Variants in ZFAND3 observed in about 807,000 individuals in gnomAD.
The protein encoded by ZFAND3 is zinc finger AN1-type containing 3, also known as AN1-type zinc finger protein 3.
A neutral mutation model predicts 29.6 loss-of-function variants in ZFAND3; 10 were observed. The observed-to-expected ratio is 0.34, with a 90% CI of 0.21 to 0.57. ZFAND3 has a LOEUF of 0.57. ZFAND3 is among the 20% of genes least tolerant of loss of function. The pLI is 0.86. For synonymous variants in ZFAND3, 128 were observed against 112.6 expected (o/e 1.14, Z -0.87); for missense variants, 230 against 304.5 (o/e 0.76, Z 1.82).
chr6:37,919,678 G>A (rs1457769904), intron 1 of ZFAND3, among the ~76,000 whole-genome samples: 1 of 152,126 alleles, frequency 6.6e-6, no homozygotes, highest in Non-Finnish European at 1.5e-5. Context: ...ACATTTCAAG[G>A]CTGTTACTGC....
intron 2 of ZFAND3, among the ~76,000 whole-genome samples, chr6:37,973,778 T>G (rs896397768): frequency 1.1e-4 from 16 of 152,208 alleles, no homozygotes; most frequent in Non-Finnish European, 4.4e-5. Flanking sequence ...TTTCTTGATT[T>G]TTTCATGAAA....
intron 1 of ZFAND3, among the ~76,000 whole-genome samples, chr6:37,889,878 T>A (rs916130369): frequency 1.1e-4 from 17 of 152,246 alleles, no homozygotes; most frequent in Non-Finnish European, 2.4e-4. Context: ...AATACATATT[T>A]TAAGCAGCGA....
At chr6:37,980,750 A>G (rs1366768061) in intron 2 of ZFAND3, among the ~76,000 whole-genome samples, 2 of 152,192 alleles carry the variant, frequency 1.3e-5, no homozygotes, top group Non-Finnish European at 2.9e-5. Context: ...TTCATGATCT[A>G]TCGTACAATA....
chr6:38,055,408 G>A (rs1277186887), intron 2 of ZFAND3, among the ~76,000 whole-genome samples: 1 of 152,200 alleles, frequency 6.6e-6, no homozygotes, highest in Non-Finnish European at 1.5e-5. Flanking sequence ...AGTGGTGCAT[G>A]CTGTAGTGGG....
chr6:38,016,982 C>A (rs915457852), intron 2 of ZFAND3, among the ~76,000 whole-genome samples: 29 of 152,176 alleles, frequency 1.9e-4, no homozygotes, highest in Non-Finnish European at 3.1e-4. Flanking sequence ...ATGTCTTGAA[C>A]TTCCCTTTTC....
intron 2 of ZFAND3, among the ~76,000 whole-genome samples, chr6:38,040,467 G>T (rs1053405574): frequency 6.6e-6 from 1 of 151,998 alleles, no homozygotes; most frequent in African/African-American, 2.4e-5. Context: ...ACTACATTTT[G>T]TTTATACATT....
At chr6:37,926,773 A>G (rs1761492791) in intron 1 of ZFAND3, among the ~76,000 whole-genome samples, 1 of 152,134 alleles carries the variant, frequency 6.6e-6, no homozygotes, top group African/African-American at 2.4e-5. Context: ...CTTACTGTCA[A>G]AAAGAGAGCT....
chr6:38,090,899 G>A (rs1764854303), intron 4 of ZFAND3, among the ~76,000 whole-genome samples: 1 of 152,160 alleles, frequency 6.6e-6, no homozygotes, highest in Non-Finnish European at 1.5e-5. Flanking sequence ...TGTAATTGGA[G>A]CCCTAAATGA....
chr6:37,993,619 A>C (rs1226286921), intron 2 of ZFAND3, among the ~76,000 whole-genome samples: 1 of 152,156 alleles, frequency 6.6e-6, no homozygotes, highest in African/African-American at 2.4e-5. Context: ...GAACCACTGC[A>C]CTTGGCCTGT....
intron 3 of ZFAND3, among the ~76,000 whole-genome samples, chr6:38,066,012 G>T (rs1764339220): frequency 6.6e-6 from 1 of 152,174 alleles, no homozygotes; most frequent in African/African-American, 2.4e-5. Flanking sequence ...AGTCTGGCTT[G>T]TTCTCCCCAA....
At chr6:38,062,802 A>G (rs1334602685) in intron 3 of ZFAND3, 2 of 152,116 alleles carry the variant, frequency 1.3e-5, no homozygotes, top group Non-Finnish European at 2.9e-5. Context: ...TGAAAATTAT[A>G]GGGATATTAT....
rs1304267285 is a variant in ZFAND3 at position 38,144,198 on chromosome 6, TA to T, written c.530-8036del. Among the ~76,000 whole-genome samples, 97 of 40,246 alleles carry T rather than the reference TA, an allele frequency of 2.4e-3. 9 individuals carry two copies. The highest frequency in any genetic ancestry group is 0.012 in the African/African-American group (87 of 7,186). 26.4% of individuals were successfully genotyped at this position (40,246 alleles called of 152,430 possible). On this transcript the variant is annotated intron_variant, in intron 5 of 5. Transcript: ENST00000287218. ...TATATATATATAATATATATATATA[TA>T]TATATATATATAATATATAATATAT...
intron 3 of ZFAND3, among the ~76,000 whole-genome samples, chr6:38,076,871 G>A (rs1305443697): frequency 2.0e-5 from 3 of 152,076 alleles, no homozygotes; most frequent in Non-Finnish European, 4.4e-5. Flanking sequence ...TTTCTTTTCT[G>A]AAGAGATTAC....
At chr6:38,075,519 A>C (rs905956985) in intron 3 of ZFAND3, among the ~76,000 whole-genome samples, 2 of 152,206 alleles carry the variant, frequency 1.3e-5, no homozygotes, top group African/African-American at 4.8e-5. Flanking sequence ...ATGATTGAGC[A>C]AAGGAAAGTG....
At chr6:37,973,379 T>C (rs1472456068) in intron 2 of ZFAND3, among the ~76,000 whole-genome samples, 2 of 152,194 alleles carry the variant, frequency 1.3e-5, no homozygotes, top group East Asian at 1.9e-4. Flanking sequence ...ACACCACTTA[T>C]GAAAGTTTCT....
At chr6:38,144,983 CAG>C (rs1390662759) in intron 5 of ZFAND3, among the ~76,000 whole-genome samples, 1 of 152,192 alleles carries the variant, frequency 6.6e-6, no homozygotes, top group Non-Finnish European at 1.5e-5. Flanking sequence ...TTGTCTCCCT[CAG>C]GAAATTCTGT....
chr6:37,954,970 A>G (rs1246547374), intron 2 of ZFAND3, among the ~76,000 whole-genome samples: 6 of 152,088 alleles, frequency 3.9e-5, no homozygotes, highest in Admixed American at 3.3e-4. Context: ...AACCCTTTCA[A>G]ATGGGTCTTA....
intron 1 of ZFAND3, among the ~76,000 whole-genome samples, chr6:37,854,976 T>TG (rs1189266650): frequency 1.4e-5 from 2 of 138,536 alleles, no homozygotes; most frequent in Non-Finnish European, 3.0e-5. Flanking sequence ...TTTTTTTTTT[T>TG]TTTTTTTTTT....
In ZFAND3 at chr6:37,899,567, G is replaced by A. The variant is rs528307112; in HGVS notation, c.72-30392G>A. Among the ~76,000 whole-genome samples, 14 of 152,182 alleles carry A rather than the reference G, an allele frequency of 9.2e-5. No homozygotes were observed. The South Asian group carries it at 2.9e-3, about 32-fold the overall frequency. The stretch of plus-strand genomic sequence containing the variant: ...ATTTGTCCAATTTAGATGTATATTT[G>A]TATTTAAATTGTAGATGTAAACTAA... On this transcript the variant is annotated intron_variant, in intron 1 of 5. Coordinates refer to ENST00000287218, the MANE Select transcript of ZFAND3 (RefSeq NM_021943.3).
Sources: allele counts gnomAD v4.1 joint callset (sites outside exome capture counted in the v4.1 genomes callset), GRCh38; gene constraint gnomAD v4.1.1; transcripts MANE v1.5; gene names NCBI Gene and HGNC (gene_info 2026-07-23, HGNC 2026-07-21).